Variants in WNK3 observed in about 807,000 individuals in gnomAD.
The protein encoded by WNK3 is serine/threonine-protein kinase WNK3.
In WNK3, 18 loss-of-function variants were observed where a neutral mutation model predicts 116.7. The observed-to-expected ratio is 0.15, with a 90% confidence interval of 0.11 to 0.23. WNK3 has a LOEUF of 0.23. Among genes scored for constraint, WNK3 ranks in the 10% least tolerant of loss-of-function variants. The pLI is 1.00. For missense variants in WNK3, 993 were observed against 1,323.8 expected, an observed-to-expected ratio of 0.75 and a Z score of 3.88; for synonymous variants, 404 against 469.4, an observed-to-expected ratio of 0.86 and a Z score of 1.80.
Position 54,333,795 on chromosome X carries a change from GA to G in WNK3, c.-119-4del, listed in dbSNP as rs1378308388. Reference sequence around the variant, plus strand: ...TGGTCATGTATTTCCATAGCAACCTGAAGGGGGGGAAAAAGATATTTTAAAA... The same window carrying G: ...TGGTCATGTATTTCCATAGCAACCTGAGGGGGGGAAAAAGATATTTTAAAA... On this transcript the variant is annotated splice_region_variant and splice_polypyrimidine_tract_variant and intron_variant, in intron 1 of 23. Coordinates refer to ENST00000354646, the Ensembl canonical transcript of WNK3. The G allele has an allele frequency of 2.2e-5, 10 of 464,302 alleles. No individual in the cohort carries two copies. The African/African-American group carries it at 2.4e-4, about 11-fold the overall frequency. 38.3% of individuals were successfully genotyped at this position (464,302 alleles called of 1,213,427 possible).
intron 16 of WNK3, 152 bp from the exon 17 acceptor site, chrX:54,249,786 C>T: frequency 2.7e-6 from 2 of 729,973 alleles, no homozygotes; most frequent in Non-Finnish European, 3.9e-6. Flanking sequence ...CAGAATTCAA[C>T]CTGTCAAGGG....
At chrX:54,348,755 A>G (rs1418584691) in intron 1 of WNK3, among the ~76,000 whole-genome samples, 1 of 111,382 alleles carries the variant, frequency 9.0e-6, no homozygotes, top group Admixed American at 9.7e-5. Flanking sequence ...TATCCTACAC[A>G]TGAGGGCAAG....
chrX:54,271,399 G>A (rs2068382687), intron 10 of WNK3, among the ~76,000 whole-genome samples: 1 of 111,728 alleles, frequency 9.0e-6, no homozygotes, highest in Non-Finnish European at 1.9e-5. Context: ...TGAAACGTCA[G>A]TTTCGGATAT....
At chrX:54,338,853 T>C (rs781914824) in intron 1 of WNK3, among the ~76,000 whole-genome samples, 3 of 108,362 alleles carry the variant, frequency 2.8e-5, no homozygotes, top group Non-Finnish European at 5.7e-5. Flanking sequence ...AATACAAAAA[T>C]TAGCCGGGTG....
intron 10 of WNK3, among the ~76,000 whole-genome samples, chrX:54,268,362 G>A (rs1373218174): frequency 2.7e-5 from 3 of 111,224 alleles, no homozygotes; most frequent in Non-Finnish European, 3.8e-5. Flanking sequence ...GGTGGCACAT[G>A]CATATAGTCC....
chrX:54,267,317 C>T lies in WNK3; in HGVS notation c.2038-7979G>A, dbSNP rs782243227. ...TTCTCGGCTCAAGTGATCCTCCTGC[C>T]TTGGCCTCCCAAAGTGCTGGGATTA... On this transcript the variant is annotated intron_variant, in intron 10 of 23. Transcript: ENST00000354646. Among the ~76,000 whole-genome samples the T allele has an allele frequency of 5.8e-4, 64 of 110,336 alleles. 1 individual carries two copies. The highest frequency in any genetic ancestry group is 9.3e-4 in the Non-Finnish European group (49 of 52,763).
intron 10 of WNK3, 49 bp from the exon 11 acceptor site, chrX:54,259,387 A>G: frequency 1.2e-6 from 1 of 836,794 alleles, no homozygotes; most frequent in Non-Finnish European, 1.7e-6. Flanking sequence ...GTAAAATTCA[A>G]GCTAAATATA....
chrX:54,227,292 T>C (rs1557148073), intron 22 of WNK3, among the ~76,000 whole-genome samples: 2 of 112,100 alleles, frequency 1.8e-5, no homozygotes. Flanking sequence ...TGTAAAGTTT[T>C]ATCTCATTGT....
chrX:54,260,114 C>T (rs916257761), intron 10 of WNK3, among the ~76,000 whole-genome samples: 9 of 111,445 alleles, frequency 8.1e-5, no homozygotes, highest in Non-Finnish European at 1.5e-4. Flanking sequence ...AACTGTAGCT[C>T]CTCTGTATAA....
At position 54,309,001 on chromosome X, in the gene WNK3, T is replaced by C. The variant is rs1264002967; in HGVS notation, c.931+94A>G. 7.1e-6 allele frequency: 5 copies of C among 704,078 alleles called. No homozygotes were observed. The African/African-American group carries it at 8.6e-5, about 12-fold the overall frequency. 58.0% of individuals were successfully genotyped at this position (704,078 alleles called of 1,213,427 possible). A position where few individuals can be genotyped will look rare whatever the true frequency, so the allele number is the denominator to read the frequency against. On this transcript the variant is annotated intron_variant, in intron 4 of 23. Transcript: ENST00000354646. ...AAAAACAGGCAGTGAGCCACATTCA[T>C]CCCACTGGCCATAGCTGGCTGATTC...
At chrX:54,245,517 A>G (rs1352510874) in intron 17 of WNK3, among the ~76,000 whole-genome samples, 4 of 110,206 alleles carry the variant, frequency 3.6e-5, no homozygotes, top group African/African-American at 1.3e-4. Context: ...ACATACATAC[A>G]TATACACACA....
intron 10 of WNK3, among the ~76,000 whole-genome samples, chrX:54,273,630 C>A (rs187223476): frequency 8.9e-6 from 1 of 111,843 alleles, no homozygotes; most frequent in African/African-American, 3.2e-5. Flanking sequence ...TGGTAAAGAA[C>A]CTTCCAAAAG....
At chrX:54,338,522 G>T (rs1288992617) in intron 1 of WNK3, among the ~76,000 whole-genome samples, 1 of 109,873 alleles carries the variant, frequency 9.1e-6, no homozygotes, top group Non-Finnish European at 1.9e-5. Context: ...GGGAAGTTGA[G>T]GCTGCAGTAA....
At chrX:54,348,747 T>G (rs1475514284) in intron 1 of WNK3, among the ~76,000 whole-genome samples, 1 of 111,391 alleles carries the variant, frequency 9.0e-6, no homozygotes, top group Non-Finnish European at 1.9e-5. Context: ...TTAGCATTTA[T>G]CCTACACATG....
At chrX:54,248,812 T>C (rs2068098187) in exon 17 of WNK3, 1 of 1,210,039 alleles carries the variant, frequency 8.3e-7, no homozygotes, top group Non-Finnish European at 1.1e-6. Flanking sequence ...GCCTGTCTGT[T>C]GGAAATTAGG....
At chrX:54,291,872 G>A (rs2068643533) in intron 10 of WNK3, among the ~76,000 whole-genome samples, 1 of 111,507 alleles carries the variant, frequency 9.0e-6, no homozygotes, top group Non-Finnish European at 1.9e-5. Context: ...AGCTAAATCA[G>A]GCATTCTCTG....
At chrX:54,301,898 T>C (rs781831531) in intron 5 of WNK3, 39 bp from the exon 6 acceptor site, 11 of 988,383 alleles carry the variant, frequency 1.1e-5, no homozygotes, top group East Asian at 3.1e-5. Flanking sequence ...AATGATGCAA[T>C]TGAAAGCCCA....
chrX:54,259,144 C>A, intron 11 of WNK3, 130 bp downstream of exon 11: 1 of 236,685 alleles, frequency 4.2e-6, no homozygotes, highest in Non-Finnish European at 7.5e-6. Context: ...AAACTATCGT[C>A]TTTATTAAAC....
At chrX:54,347,827 C>T (rs1011749255) in intron 1 of WNK3, among the ~76,000 whole-genome samples, 1 of 108,216 alleles carries the variant, frequency 9.2e-6, no homozygotes, top group Admixed American at 1.0e-4. Context: ...TTATAAAGGG[C>T]AGGCTCATTC....
Sources: allele counts gnomAD v4.1 joint callset (sites outside exome capture counted in the v4.1 genomes callset), GRCh38; gene constraint gnomAD v4.1.1; transcripts MANE v1.5; gene names NCBI Gene and HGNC (gene_info 2026-07-23, HGNC 2026-07-21).